Variants in LEKR1 observed in about 807,000 individuals in gnomAD.
LEKR1 encodes leucine, glutamate and lysine rich 1.
A neutral mutation model predicts 72.4 loss-of-function variants in LEKR1; 59 were observed. That is an observed-to-expected ratio of 0.82 (90% CI 0.66 to 1.01). The LOEUF (loss-of-function observed/expected upper bound fraction) is 1.01. Among genes scored for constraint, LEKR1 ranks in the 50% least tolerant of loss-of-function variants. The pLI is 0.00. For synonymous variants in LEKR1, 257 were observed against 263.2 expected (o/e 0.98, Z 0.23); for missense variants, 728 against 759.2 (o/e 0.96, Z 0.48).
intron 6 of LEKR1, among the ~76,000 whole-genome samples, chr3:156,972,227 A>G (rs929763200): frequency 3.9e-5 from 6 of 152,132 alleles, no homozygotes; most frequent in Non-Finnish European, 8.8e-5. Context: ...CATTCTCAGC[A>G]AACTATCACA....
At chr3:157,002,598 G>A (rs890033378) in intron 9 of LEKR1, among the ~76,000 whole-genome samples, 2 of 152,088 alleles carry the variant, frequency 1.3e-5, no homozygotes, top group Non-Finnish European at 1.5e-5. Flanking sequence ...GAGTCTCACT[G>A]AAGATTTCTT....
intron 9 of LEKR1, among the ~76,000 whole-genome samples, chr3:156,999,200 T>C (rs1180301218): frequency 6.6e-6 from 1 of 152,098 alleles, no homozygotes; most frequent in African/African-American, 2.4e-5. Context: ...CCTTTATAAA[T>C]TACCCAGTCT....
chr3:156,988,557 C>G, intron 7 of LEKR1: 1 of 190,184 alleles, frequency 5.3e-6, no homozygotes, highest in South Asian at 1.4e-4. Flanking sequence ...GCATTGTTTT[C>G]TTGAGGCGTG....
intron 3 of LEKR1, among the ~76,000 whole-genome samples, chr3:156,876,313 G>T (rs1560043836): frequency 6.6e-6 from 1 of 152,108 alleles, no homozygotes; most frequent in South Asian, 2.1e-4. Context: ...TAGCTGTGCA[G>T]GTCTTTTTTT....
chr3:157,035,357 C>G (rs1193727228), intron 12 of LEKR1, among the ~76,000 whole-genome samples: 4 of 152,142 alleles, frequency 2.6e-5, no homozygotes, highest in African/African-American at 4.8e-5. Flanking sequence ...GAGATGTCCT[C>G]CCAGTTCCCA....
intron 3 of LEKR1, among the ~76,000 whole-genome samples, chr3:156,899,368 A>G (rs558365641): frequency 7.9e-5 from 10 of 127,162 alleles, no homozygotes; most frequent in Admixed American, 7.8e-4. Flanking sequence ...ATATACATAT[A>G]TACATATATA....
intron 10 of LEKR1, among the ~76,000 whole-genome samples, chr3:157,013,234 A>T (rs1241554851): frequency 1.3e-5 from 2 of 152,256 alleles, no homozygotes; most frequent in Non-Finnish European, 2.9e-5. Context: ...AGTATGATGG[A>T]GTAAACTTTC....
intron 3 of LEKR1, among the ~76,000 whole-genome samples, chr3:156,865,450 G>C (rs1275838051): frequency 6.6e-6 from 1 of 151,970 alleles, no homozygotes; most frequent in African/African-American, 2.4e-5. Flanking sequence ...ATGTAATTAT[G>C]ATTATCATCC....
At chr3:156,971,592 C>G (rs1402493574) in intron 6 of LEKR1, among the ~76,000 whole-genome samples, 1 of 152,110 alleles carries the variant, frequency 6.6e-6, no homozygotes, top group Non-Finnish European at 1.5e-5. Context: ...ATCTACTCAT[C>G]TGACAAAGGG....
intron 1 of LEKR1, 98 bp from the exon 2 acceptor site, chr3:156,829,178 ACAGTTATCAC>A: frequency 1.8e-6 from 1 of 562,630 alleles, no homozygotes. Context: ...ATCTGTTGAA[ACAGTTATCAC>A]CATTCATCCC....
intron 2 of LEKR1, among the ~76,000 whole-genome samples, chr3:156,851,873 A>G (rs1576663512): frequency 6.6e-6 from 1 of 152,228 alleles, no homozygotes; most frequent in South Asian, 2.1e-4. Context: ...CTTATCCTTT[A>G]TGAATAGGAA....
At chr3:157,021,865 A>G (rs1025571287) in intron 10 of LEKR1, among the ~76,000 whole-genome samples, 2 of 152,064 alleles carry the variant, frequency 1.3e-5, no homozygotes, top group Non-Finnish European at 2.9e-5. Flanking sequence ...CTATGTGACT[A>G]TTAATTATTA....
intron 3 of LEKR1, among the ~76,000 whole-genome samples, chr3:156,912,257 A>C (rs1014093793): frequency 6.6e-6 from 1 of 152,032 alleles, no homozygotes; most frequent in African/African-American, 2.4e-5. Context: ...TGTACATTGT[A>C]CCCAATATGT....
chr3:156,884,224 T>C (rs1425318250), intron 3 of LEKR1, among the ~76,000 whole-genome samples: 1 of 152,228 alleles, frequency 6.6e-6, no homozygotes, highest in Non-Finnish European at 1.5e-5. Context: ...TTTCATCCAT[T>C]CTGCTGTTCT....
Position 156,942,596 on chromosome 3 carries a change from G to A in LEKR1, c.627G>A (p.Met209Ile). 1 of 1,268,268 alleles carries A rather than the reference G, an allele frequency of 7.9e-7. No individual in the cohort carries two copies. Among genetic ancestry groups the A allele is most frequent in the South Asian group, 1.3e-5 (1 of 78,452 alleles). The allele number at this position is 1,268,268 out of a possible 1,614,324, so 78.6% of individuals were successfully genotyped here. A position where few individuals can be genotyped will look rare whatever the true frequency, so the allele number is the denominator to read the frequency against. ...ATAAAGTATGCCTTGAAAAGGAAAT[G>A]AAAAATCTGAAATTGTTGTCAGATG... ...QRNKVCLEKE[M>I]KNLKLLSDAA... Residue 209 changes from methionine (M) to isoleucine (I), a missense_variant, in exon 6 of 13, where the codon ATG becomes ATA. Physicochemically the swap from Met to Ile is conservative, Grantham distance 10 (BLOSUM62 1). Transcript: ENST00000356539.
chr3:157,030,287 C>T (rs1398936029), intron 12 of LEKR1, among the ~76,000 whole-genome samples: 1 of 152,144 alleles, frequency 6.6e-6, no homozygotes, highest in Non-Finnish European at 1.5e-5. Flanking sequence ...TCCCACTAGG[C>T]CCCACCTCCA....
At chr3:156,888,078 G>A (rs542765203) in intron 3 of LEKR1, among the ~76,000 whole-genome samples, 1 of 152,190 alleles carries the variant, frequency 6.6e-6, no homozygotes, top group South Asian at 2.1e-4. Context: ...TGTCTAATAT[G>A]TAGCCTTAGT....
intron 4 of LEKR1, among the ~76,000 whole-genome samples, chr3:156,923,731 AT>A (rs35293525): frequency 0.52 from 75,505 of 146,576 alleles, 19,991 homozygotes; most frequent in East Asian, 0.73. Flanking sequence ...TGTATATTTA[AT>A]TTTTTTTTTT....
At chr3:157,039,654 A>G (rs1185739867) in intron 12 of LEKR1, among the ~76,000 whole-genome samples, 4 of 152,214 alleles carry the variant, frequency 2.6e-5, no homozygotes, top group African/African-American at 9.6e-5. Flanking sequence ...TAACAAATCT[A>G]GCAAAGACGG....
Sources: allele counts gnomAD v4.1 joint callset (sites outside exome capture counted in the v4.1 genomes callset), GRCh38; gene constraint gnomAD v4.1.1; transcripts MANE v1.5; gene names NCBI Gene and HGNC (gene_info 2026-07-23, HGNC 2026-07-21).